ABTB2: variants seen among roughly 807,000 people sequenced by gnomAD.
The protein encoded by ABTB2 is ankyrin repeat and BTB domain containing 2, also known as ankyrin repeat and BTB/POZ domain-containing protein 2.
ABTB2 carries 56 observed loss-of-function variants against 104.1 expected under a neutral mutation model. That is an observed-to-expected ratio of 0.54 (90% CI 0.43 to 0.67). ABTB2 has a LOEUF of 0.67. Among genes scored for constraint, ABTB2 ranks in the 30% least tolerant of loss-of-function variants. The pLI, the probability that ABTB2 is intolerant of heterozygous loss-of-function variation, is 0.00. For synonymous variants in ABTB2, 606 were observed against 608.2 expected (o/e 1.00, Z 0.05); for missense variants, 1,279 against 1,407.7 (o/e 0.91, Z 1.46).
At chr11:34,321,919 A>G (rs1025569063) in intron 1 of ABTB2, among the ~76,000 whole-genome samples, 6 of 152,194 alleles carry the variant, frequency 3.9e-5, no homozygotes, top group African/African-American at 1.4e-4. Context: ...AGCCTTCAGG[A>G]CAGTCGGGAC....
chr11:34,189,481 G>C (rs1289094514), intron 3 of ABTB2, among the ~76,000 whole-genome samples: 1 of 151,958 alleles, frequency 6.6e-6, no homozygotes, highest in East Asian at 1.9e-4. Context: ...TGGGCCAACA[G>C]TCCCAGCTAC....
At chr11:34,173,460 G>A (rs188309914) in intron 3 of ABTB2, among the ~76,000 whole-genome samples, 153 bp from the exon 4 acceptor site, 2 of 152,214 alleles carry the variant, frequency 1.3e-5, no homozygotes, top group South Asian at 2.1e-4. Flanking sequence ...AGAGGGTCAG[G>A]CCTAGAGAGA....
At chr11:34,316,283 G>A (rs1564930981) in intron 1 of ABTB2, among the ~76,000 whole-genome samples, 1 of 152,194 alleles carries the variant, frequency 6.6e-6, no homozygotes, top group African/African-American at 2.4e-5. Context: ...TGCAAAAGTC[G>A]CAAATGGCTC....
rs571082627 is a variant in ABTB2 at position 34,224,246 on chromosome 11, G to C, written c.884-19556C>G. ...CCCTGGACTCAACTCCTGGACTCAAGCAGTCCTTTTGCTTCGGCCTCCCAA... is the reference window on the plus strand; with the variant it reads ...CCCTGGACTCAACTCCTGGACTCAACCAGTCCTTTTGCTTCGGCCTCCCAA... On this transcript the variant is annotated intron_variant, in intron 1 of 16. Transcript: ENST00000435224. Among the ~76,000 whole-genome samples the C allele has an allele frequency of 2.6e-5, 4 of 152,198 alleles. No individual in the cohort carries two copies. The South Asian group carries it at 8.3e-4, about 32-fold the overall frequency.
At chr11:34,294,983 G>A (rs1206150123) in intron 1 of ABTB2, among the ~76,000 whole-genome samples, 1 of 151,640 alleles carries the variant, frequency 6.6e-6, no homozygotes, top group Non-Finnish European at 1.5e-5. Flanking sequence ...CAAAGTGTTG[G>A]GATTACAGGC....
At chr11:34,248,096 T>TAAAAAA (rs1157412906) in intron 1 of ABTB2, among the ~76,000 whole-genome samples, 2 of 116,234 alleles carry the variant, frequency 1.7e-5, no homozygotes, top group African/African-American at 3.0e-5. Flanking sequence ...TAATTTTTCT[T>TAAAAAA]AAAAAAAAAA....
intron 1 of ABTB2, among the ~76,000 whole-genome samples, chr11:34,215,058 C>G (rs1327442531): frequency 2.0e-5 from 3 of 152,194 alleles, no homozygotes; most frequent in African/African-American, 4.8e-5. Context: ...CACTGCATCA[C>G]CAGTGGGACT....
chr11:34,215,118 G>C (rs1853534599), intron 1 of ABTB2, among the ~76,000 whole-genome samples: 1 of 152,212 alleles, frequency 6.6e-6, no homozygotes, highest in Admixed American at 6.5e-5. Context: ...CTACTGCTCT[G>C]AGCCTGTGTG....
intron 1 of ABTB2, among the ~76,000 whole-genome samples, chr11:34,225,330 T>C (rs1184803492): frequency 1.3e-5 from 2 of 152,168 alleles, no homozygotes; most frequent in African/African-American, 2.4e-5. Context: ...AATTAAACTG[T>C]CATGCTGCAA....
At chr11:34,296,046 T>C (rs1854620287) in intron 1 of ABTB2, among the ~76,000 whole-genome samples, 1 of 152,198 alleles carries the variant, frequency 6.6e-6, no homozygotes, top group South Asian at 2.1e-4. Context: ...GCGGGAGTAT[T>C]GCTGGAACCC....
intron 1 of ABTB2, among the ~76,000 whole-genome samples, chr11:34,213,350 G>A (rs1435458868): frequency 6.6e-6 from 1 of 152,128 alleles, no homozygotes; most frequent in African/African-American, 2.4e-5. Context: ...CGTGGTGGCA[G>A]GTGCCTGTAG....
intron 1 of ABTB2, among the ~76,000 whole-genome samples, chr11:34,313,160 T>A (rs1190109316): frequency 6.6e-6 from 1 of 152,158 alleles, no homozygotes; most frequent in Non-Finnish European, 1.5e-5. Context: ...CCATGTGCAT[T>A]TTCTTGCTCA....
At chr11:34,207,913 C>T (rs1853429378) in intron 1 of ABTB2, among the ~76,000 whole-genome samples, 1 of 152,218 alleles carries the variant, frequency 6.6e-6, no homozygotes, top group African/African-American at 2.4e-5. Context: ...TAGGACTTTC[C>T]CTTTCATGGG....
chr11:34,170,997 C>A lies in ABTB2; in HGVS notation c.1472G>T (p.Gly491Val), dbSNP rs1852866836. The change falls in exon 5 of 17, where the codon GGT becomes GTT. Residue 491 changes from glycine to valine, a missense_variant. Physicochemically the swap from Gly to Val is moderately radical, Grantham distance 109 (BLOSUM62 -3). Transcript: ENST00000435224. ...CCTCCCACAGTTGAGCATGCGGAAACCCAGGTCCTGGTTGAATTTTTCAGT... is the reference window on the plus strand; with the variant it reads ...CCTCCCACAGTTGAGCATGCGGAAAACCAGGTCCTGGTTGAATTTTTCAGT... ...AATEKFNQDLGFRMLNCGRTD... is the reference protein window; with the variant it reads ...AATEKFNQDLVFRMLNCGRTD... The A allele has an allele frequency of 6.8e-6, 11 of 1,614,066 alleles. No homozygotes were observed. The highest frequency in any genetic ancestry group is 9.3e-6 in the Non-Finnish European group (11 of 1,180,046).
chr11:34,281,116 C>T (rs1854444086), intron 1 of ABTB2, among the ~76,000 whole-genome samples: 1 of 152,116 alleles, frequency 6.6e-6, no homozygotes, highest in Admixed American at 6.5e-5. Flanking sequence ...TCCACCCAAA[C>T]CACTGTCTCA....
intron 3 of ABTB2, among the ~76,000 whole-genome samples, chr11:34,175,017 G>T (rs558294344): frequency 2.0e-5 from 3 of 152,242 alleles, no homozygotes; most frequent in Non-Finnish European, 4.4e-5. Context: ...CCGCCTGTGC[G>T]GTCACTGTGG....
chr11:34,236,510 C>T (rs1028216714), intron 1 of ABTB2, among the ~76,000 whole-genome samples: 2 of 152,294 alleles, frequency 1.3e-5, no homozygotes, highest in African/African-American at 2.4e-5. Context: ...TTTTCCCTAA[C>T]AGCAGCATTT....
intron 3 of ABTB2, among the ~76,000 whole-genome samples, chr11:34,179,268 C>T (rs923185445): frequency 1.3e-5 from 2 of 152,154 alleles, no homozygotes; most frequent in South Asian, 2.1e-4. Flanking sequence ...AGAAAAGTCT[C>T]CTGGATACTT....
chr11:34,172,778 C>T (rs1370672006), intron 4 of ABTB2, among the ~76,000 whole-genome samples: 1 of 152,180 alleles, frequency 6.6e-6, no homozygotes, highest in African/African-American at 2.4e-5. Flanking sequence ...GCTCACAGCA[C>T]CTGCACCCAG....
Sources: gnomAD v4.1 joint callset for allele counts (sites outside exome capture counted in the v4.1 genomes callset) on GRCh38, gnomAD v4.1.1 for gene constraint, MANE v1.5 for transcripts, NCBI Gene and HGNC (gene_info 2026-07-23, HGNC 2026-07-21) for gene names.